The following TMEM260 variants were observed in gnomAD, a reference collection of about 807,000 sequenced individuals.
The protein encoded by TMEM260 is protein O-mannosyl-transferase TMEM260.
A neutral mutation model predicts 88.9 loss-of-function variants in TMEM260; 82 were observed. The ratio of observed to expected loss-of-function variants is 0.92; its 90% CI spans 0.77 to 1.11. The LOEUF (loss-of-function observed/expected upper bound fraction) is 1.11. Among genes scored for constraint, TMEM260 ranks in the 50% least tolerant of loss-of-function variants. The pLI is 0.00. For synonymous variants in TMEM260, 314 were observed against 309.3 expected (o/e 1.02, Z -0.16); for missense variants, 902 against 853.4 (o/e 1.06, Z -0.71).
Position 56,648,776 on chromosome 14 carries a change from A to C in TMEM260, c.*1279A>C, listed in dbSNP as rs1475522697. ...GGATGCCATGTAGGCATCTGTCTGG[A>C]GTGTCCTTTGTGATGTCATAAGCTG... is the stretch of plus-strand genomic sequence containing the variant. On this transcript the variant is annotated 3_prime_UTR_variant, in exon 16 of 16. Coordinates refer to ENST00000261556, the MANE Select transcript of TMEM260 (RefSeq NM_017799.4). 6.6e-6 allele frequency: 1 copy of C among 152,598 alleles called. No homozygotes were observed. The highest frequency in any genetic ancestry group is 1.5e-5 in the Non-Finnish European group (1 of 68,040). 9.5% of individuals were successfully genotyped at this position (152,598 alleles called of 1,614,324 possible).
At chr14:56,636,994 A>G (rs753749700) in intron 15 of TMEM260, among the ~76,000 whole-genome samples, 58 of 152,196 alleles carry the variant, frequency 3.8e-4, no homozygotes, top group Non-Finnish European at 6.3e-4. Flanking sequence ...GAGTCAGAGA[A>G]GTATACATGA....
intron 3 of TMEM260, among the ~76,000 whole-genome samples, chr14:56,599,658 A>G (rs1312632717): frequency 1.3e-5 from 2 of 151,774 alleles, no homozygotes; most frequent in African/African-American, 4.9e-5. Context: ...CTGGCTCATG[A>G]TCTTCATGAT....
At chr14:56,653,001 A>C (rs1421203996), downstream of TMEM260, among the ~76,000 whole-genome samples, 2 of 152,060 alleles carry the variant, frequency 1.3e-5, no homozygotes, top group African/African-American at 4.8e-5. Context: ...AGAATTAAAA[A>C]CACCACCATG....
intron 12 of TMEM260, among the ~76,000 whole-genome samples, chr14:56,627,209 T>C (rs1000697679): frequency 3.7e-4 from 56 of 152,118 alleles, no homozygotes; most frequent in Admixed American, 2.2e-3. Context: ...ATATGACTTA[T>C]TTAATATCAG....
chr14:56,644,217 G>A (rs1193789310), intron 15 of TMEM260, among the ~76,000 whole-genome samples: 22 of 152,234 alleles, frequency 1.4e-4, no homozygotes. Context: ...TAAGCCAAAA[G>A]AACAAAGCTG....
intron 9 of TMEM260, among the ~76,000 whole-genome samples, chr14:56,618,381 G>C (rs1270223537): frequency 6.6e-6 from 1 of 152,110 alleles, no homozygotes; most frequent in Non-Finnish European, 1.5e-5. Context: ...GATCTGAAAA[G>C]GGAGATGCAC....
At chr14:56,627,638 G>T (rs1170572811) in intron 12 of TMEM260, among the ~76,000 whole-genome samples, 1 of 151,684 alleles carries the variant, frequency 6.6e-6, no homozygotes, top group Admixed American at 6.6e-5. Flanking sequence ...TTATTTAAAG[G>T]CATGTGATAG....
intron 13 of TMEM260, 40 bp from the exon 14 acceptor site, chr14:56,634,859 T>C (rs753158747): frequency 6.9e-7 from 1 of 1,442,928 alleles, no homozygotes; most frequent in Non-Finnish European, 9.4e-7. Context: ...AAAAAAAAAG[T>C]GGGTGACAGA....
At chr14:56,590,887 T>G (rs1011364171) in intron 3 of TMEM260, among the ~76,000 whole-genome samples, 5 of 152,194 alleles carry the variant, frequency 3.3e-5, no homozygotes, top group Non-Finnish European at 5.9e-5. Flanking sequence ...TGCCAGGTTT[T>G]TGCCCTGCAG....
intron 15 of TMEM260, among the ~76,000 whole-genome samples, chr14:56,646,079 G>T (rs1429259489): frequency 6.6e-6 from 1 of 152,180 alleles, no homozygotes; most frequent in East Asian, 1.9e-4. Context: ...GCAGGCATGG[G>T]CCACCGTGCC....
intron 15 of TMEM260, chr14:56,638,379 T>C (rs1212506689): frequency 6.6e-6 from 1 of 152,312 alleles, no homozygotes; most frequent in East Asian, 1.9e-4. Flanking sequence ...ATAATAATCC[T>C]GTTTATCTCT....
chr14:56,601,006 G>A (rs10149699), intron 3 of TMEM260, among the ~76,000 whole-genome samples: 16,565 of 152,134 alleles, frequency 0.11, 1,483 homozygotes, highest in African/African-American at 0.24. Context: ...GGGAGATGGA[G>A]AGAGAAAATT....
At chr14:56,662,648 T>C in the TMEM260 span, among the ~76,000 whole-genome samples, 9 of 152,202 alleles carry the variant, frequency 5.9e-5, no homozygotes, top group African/African-American at 2.2e-4. Context: ...AGGGAAACTA[T>C]CTCCGACTAG....
intron 3 of TMEM260, among the ~76,000 whole-genome samples, chr14:56,592,710 G>T (rs1885941514): frequency 6.6e-6 from 1 of 152,168 alleles, no homozygotes; most frequent in African/African-American, 2.4e-5. Flanking sequence ...CCTGTAGTCA[G>T]CTGCACTATT....
chr14:56,596,969 G>T (rs1886287357), intron 3 of TMEM260, among the ~76,000 whole-genome samples: 1 of 150,776 alleles, frequency 6.6e-6, no homozygotes, highest in African/African-American at 2.4e-5. Flanking sequence ...TATTCCTCTG[G>T]GTCTTTTTTT....
At chr14:56,658,701 T>C in the TMEM260 span, among the ~76,000 whole-genome samples, 1 of 152,108 alleles carries the variant, frequency 6.6e-6, no homozygotes, top group South Asian at 2.1e-4. Context: ...ATGTGCAGTG[T>C]GGGATCCTGG....
At chr14:56,638,955 T>C (rs1029740605) in intron 15 of TMEM260, among the ~76,000 whole-genome samples, 7 of 152,126 alleles carry the variant, frequency 4.6e-5, no homozygotes, top group African/African-American at 7.2e-5. Context: ...TCTCAAGATA[T>C]GGTACATGTG....
At chr14:56,638,377 C>T (rs1323637348) in intron 15 of TMEM260, 3 of 151,918 alleles carry the variant, frequency 2.0e-5, no homozygotes, top group Non-Finnish European at 2.9e-5. Context: ...ACATAATAAT[C>T]CTGTTTATCT....
chr14:56,626,633 A>G (rs1888259983), intron 12 of TMEM260, among the ~76,000 whole-genome samples: 1 of 152,214 alleles, frequency 6.6e-6, no homozygotes, highest in Non-Finnish European at 1.5e-5. Context: ...TACTGAATAG[A>G]TAGATGATTT....
Sources: gnomAD v4.1 joint callset for allele counts (sites outside exome capture counted in the v4.1 genomes callset) on GRCh38, gnomAD v4.1.1 for gene constraint, MANE v1.5 for transcripts, NCBI Gene and HGNC (gene_info 2026-07-23, HGNC 2026-07-21) for gene names.